The following PDE1C variants were observed in gnomAD, a reference collection of about 807,000 sequenced individuals.
PDE1C encodes the protein dual specificity calcium/calmodulin-dependent 3',5'-cyclic nucleotide phosphodiesterase 1C.
In PDE1C, 62 loss-of-function variants were observed where a neutral mutation model predicts 93.1. The observed-to-expected ratio is 0.67, with a 90% confidence interval of 0.54 to 0.82. The LOEUF (loss-of-function observed/expected upper bound fraction) is 0.82, where lower values mean the gene tolerates loss of function less well. PDE1C is among the 40% of genes least tolerant of loss of function. PDE1C has a pLI of 0.00. For missense variants in PDE1C, 742 were observed against 884.6 expected (o/e 0.84, Z 2.04); for synonymous variants, 325 against 310.1 (o/e 1.05, Z -0.50).
chr7:31,866,576 T>C (rs914324945), intron 6 of PDE1C, among the ~76,000 whole-genome samples: 3 of 152,122 alleles, frequency 2.0e-5, no homozygotes, highest in Non-Finnish European at 4.4e-5. Context: ...TGTAAAGACA[T>C]ATTTCCTCAG....
intron 1 of PDE1C, among the ~76,000 whole-genome samples, chr7:32,255,210 G>A (rs115148525): frequency 0.014 from 2,066 of 152,254 alleles, 54 homozygotes; most frequent in African/African-American, 0.046. Flanking sequence ...GTTCATGGGA[G>A]TCAAGGCCTC....
intron 1 of PDE1C, among the ~76,000 whole-genome samples, chr7:32,226,648 A>T (rs1807296453): frequency 6.6e-6 from 1 of 152,162 alleles, no homozygotes; most frequent in Admixed American, 6.5e-5. Context: ...GAGAGTGGTC[A>T]GTGCAAAGGC....
intron 3 of PDE1C, among the ~76,000 whole-genome samples, chr7:32,124,055 C>T (rs1195950213): frequency 6.6e-6 from 1 of 152,104 alleles, no homozygotes; most frequent in Non-Finnish European, 1.5e-5. Flanking sequence ...TTCCTTTACA[C>T]AAACAATTGA....
intron 16 of PDE1C, among the ~76,000 whole-genome samples, chr7:31,790,533 G>A (rs1309098896): frequency 6.6e-6 from 1 of 152,102 alleles, no homozygotes; most frequent in South Asian, 2.1e-4. Context: ...ATGCAGTAGG[G>A]ATATTAAGCC....
At chr7:31,979,084 T>C (rs970506884) in intron 2 of PDE1C, among the ~76,000 whole-genome samples, 1 of 152,216 alleles carries the variant, frequency 6.6e-6, no homozygotes, top group African/African-American at 2.4e-5. Context: ...CAAGCATTTA[T>C]GGCTGATATC....
chr7:31,848,062 C>T lies in PDE1C; in HGVS notation c.886G>A (p.Val296Ile). 1 of 1,612,968 alleles carries T rather than the reference C, an allele frequency of 6.2e-7. No homozygotes were observed. Among genetic ancestry groups the T allele is most frequent in the Non-Finnish European group, 8.5e-7 (1 of 1,179,366 alleles). The change falls in exon 9 of 18, where the codon GTA becomes ATA. Residue 296 changes from valine to isoleucine, a missense_variant. Physicochemically the swap from Val to Ile is conservative, Grantham distance 29. Coordinates refer to ENST00000396191, the MANE Select transcript of PDE1C (RefSeq NM_001191057.4). ...DPAILYNDRSVLENHHLSAAY... is the reference protein window; with the variant it reads ...DPAILYNDRSILENHHLSAAY... ...GCACTTAAATGGTGATTCTCCAGTA[C>T]AGATCTGTCATTATACAGAATAGCT...
chr7:31,882,229 A>T (rs1433926314), intron 2 of PDE1C, among the ~76,000 whole-genome samples: 1 of 152,210 alleles, frequency 6.6e-6, no homozygotes, highest in East Asian at 1.9e-4. Context: ...ATCAAACGGA[A>T]ATATGCAAAG....
At chr7:31,737,591 C>A in the PDE1C span, among the ~76,000 whole-genome samples, 1 of 151,996 alleles carries the variant, frequency 6.6e-6, no homozygotes, top group Non-Finnish European at 1.5e-5. Context: ...CACCTGAGGT[C>A]AGGAGTTCGA....
rs879697618 is a variant in PDE1C at position 32,370,293 on chromosome 7, C to CA, written c.310+57528dup. Among the ~76,000 whole-genome samples, 45 of 151,836 alleles carry CA rather than the reference C, an allele frequency of 3.0e-4. 1 individual carries two copies. Among genetic ancestry groups the CA allele is most frequent in the African/African-American group, 9.9e-4 (41 of 41,350 alleles). On this transcript the variant is annotated intron_variant, in intron 1 of 1. Transcript: ENST00000672256. ...TGAAACCCCATCTCTACTAAAAATA[C>CA]AAAAAATTAGCTGGGCGTGGTGGCG... is the stretch of plus-strand genomic sequence containing the variant.
intron 1 of PDE1C, among the ~76,000 whole-genome samples, chr7:32,354,767 C>T (rs1040769090): frequency 4.6e-5 from 7 of 152,188 alleles, no homozygotes; most frequent in Non-Finnish European, 1.0e-4. Context: ...CTCATTTGTG[C>T]AGAAGCCTCC....
intron 2 of PDE1C, among the ~76,000 whole-genome samples, chr7:32,020,817 T>C (rs1003783234): frequency 6.6e-6 from 1 of 152,148 alleles, no homozygotes; most frequent in African/African-American, 2.4e-5. Context: ...GATCATATAG[T>C]ATTTGTTTTC....
intron 3 of PDE1C, among the ~76,000 whole-genome samples, chr7:32,076,937 GA>G (rs775784792): frequency 0.023 from 2,928 of 129,852 alleles, 101 homozygotes; most frequent in African/African-American, 0.073. Context: ...GTTGTAAGGA[GA>G]AAAAAAAAAA....
At chr7:31,946,065 A>G (rs1806563791) in intron 2 of PDE1C, among the ~76,000 whole-genome samples, 1 of 151,978 alleles carries the variant, frequency 6.6e-6, no homozygotes, top group African/African-American at 2.4e-5. Context: ...CCCATCTATT[A>G]TTGCATGTTG....
In PDE1C at chr7:32,181,405, A is replaced by T. The variant is rs184763363; in HGVS notation, c.137-11449T>A. ...CTGACCACATAGTTGGAAGTAAAGC[A>T]CTCCTCAGCAAATGTAAAAGAACAG... On this transcript the variant is annotated intron_variant, in intron 2 of 18. Coordinates refer to the PDE1C transcript ENST00000396193. 4.5e-3 allele frequency among the ~76,000 whole-genome samples: 679 copies of T among 152,258 alleles called. 7 individuals carry two copies. Among genetic ancestry groups the T allele is most frequent in the African/African-American group, 0.015 (624 of 41,542 alleles).
chr7:32,392,354 G>C (rs765033855), intron 1 of PDE1C, among the ~76,000 whole-genome samples: 1 of 152,102 alleles, frequency 6.6e-6, no homozygotes, highest in African/African-American at 2.4e-5. Flanking sequence ...TAAATTTTAC[G>C]TAACATTTAT....
chr7:31,984,705 G>A (rs1046844831), intron 2 of PDE1C, among the ~76,000 whole-genome samples: 11 of 152,184 alleles, frequency 7.2e-5, no homozygotes, highest in African/African-American at 1.4e-4. Flanking sequence ...AATAATTCCT[G>A]AGGAAGGTCC....
chr7:31,674,009 T>C, the PDE1C span, among the ~76,000 whole-genome samples: 1 of 152,170 alleles, frequency 6.6e-6, no homozygotes, highest in Non-Finnish European at 1.5e-5. Context: ...TATGTGTGTA[T>C]TTTTTTGTCT....
chr7:32,035,232 T>C (rs1319426426), intron 2 of PDE1C, among the ~76,000 whole-genome samples: 1 of 152,012 alleles, frequency 6.6e-6, no homozygotes. Context: ...ACCAGAGACA[T>C]GCCTGCCCCA....
intron 1 of PDE1C, among the ~76,000 whole-genome samples, chr7:32,384,280 A>G (rs1309746611): frequency 6.6e-6 from 1 of 152,232 alleles, no homozygotes; most frequent in African/African-American, 2.4e-5. Flanking sequence ...GGATATGAAA[A>G]TAACACCTAT....
Sources: allele counts gnomAD v4.1 joint callset (sites outside exome capture counted in the v4.1 genomes callset), GRCh38; gene constraint gnomAD v4.1.1; transcripts MANE v1.5; gene names NCBI Gene and HGNC (gene_info 2026-07-23, HGNC 2026-07-21).